NOX1: variants seen among roughly 807,000 people sequenced by gnomAD.
NOX1 encodes NADH/NADPH mitogenic oxidase subunit P65-MOX.
In NOX1, 34 loss-of-function variants were observed where a neutral mutation model predicts 42.5. The observed-to-expected ratio is 0.80, with a 90% CI of 0.61 to 1.07. The LOEUF (loss-of-function observed/expected upper bound fraction) is 1.07, where lower values mean the gene tolerates loss of function less well. NOX1 is among the 50% of genes least tolerant of loss of function. NOX1 has a pLI of 0.00. For missense variants in NOX1, 408 were observed against 427.0 expected, an observed-to-expected ratio of 0.96 and a Z score of 0.39; for synonymous variants, 143 against 152.5, an observed-to-expected ratio of 0.94 and a Z score of 0.46.
chrX:100,853,261 C>CCTTT (rs1177925812), intron 7 of NOX1, among the ~76,000 whole-genome samples: 2,823 of 23,273 alleles, frequency 0.12, 148 homozygotes, highest in Middle Eastern at 0.2. Context: ...TTCCTTCCTT[C>CCTTT]CTTTCTTTCT....
At chrX:100,845,493 G>A (rs2085066209) in intron 12 of NOX1, among the ~76,000 whole-genome samples, 1 of 109,784 alleles carries the variant, frequency 9.1e-6, no homozygotes, top group Admixed American at 9.7e-5. Flanking sequence ...TCACTTCGGG[G>A]CTATTATGAG....
rs775730307 is a variant in NOX1 at position 100,850,191 on chromosome X, G to A, written c.1093C>T (p.Leu365Phe). 1 of 1,209,765 alleles carries A rather than the reference G, an allele frequency of 8.3e-7. No individual in the cohort carries two copies. The highest frequency in any genetic ancestry group is 1.7e-5 in the African/African-American group (1 of 57,305). The change falls in exon 9 of 13, where the codon CTC becomes TTC. Residue 365 changes from leucine (L) to phenylalanine (F), a missense_variant. Physicochemically the swap from Leu to Phe is conservative, Grantham distance 22. Coordinates refer to ENST00000372966, the MANE Select transcript of NOX1 (RefSeq NM_007052.5). ...IRAAGDWTEN[L>F]IRAFEQQYSP... ...TATTGTTGTTCGAAAGCCCTTATGA[G>A]ATTTTCTGTCCAGTCCCCTGCTGCT...
At chrX:100,871,191 T>C (rs1298354085) in intron 1 of NOX1, among the ~76,000 whole-genome samples, 2 of 112,802 alleles carry the variant, frequency 1.8e-5, no homozygotes, top group African/African-American at 6.4e-5. Flanking sequence ...TGACCATAAA[T>C]AAAGTGGTAT....
chrX:100,858,709 C>T (rs769464961), intron 7 of NOX1, among the ~76,000 whole-genome samples: 1 of 110,952 alleles, frequency 9.0e-6, no homozygotes. Context: ...AATGGGATTG[C>T]ATTCTTGATT....
At chrX:100,844,752 C>G (rs2085060992) in intron 12 of NOX1, among the ~76,000 whole-genome samples, 1 of 112,371 alleles carries the variant, frequency 8.9e-6, no homozygotes, top group South Asian at 3.7e-4. Flanking sequence ...TTCTTAACCT[C>G]TCTCTGTTTC....
chrX:100,853,242 TTTCCTTCC>T lies in NOX1; in HGVS notation c.805-1925_805-1918del, dbSNP rs746546716. Among the ~76,000 whole-genome samples the T allele has an allele frequency of 8.4e-3, 485 of 57,605 alleles. 4 individuals carry two copies. The highest frequency in any genetic ancestry group is 1.0e-2 in the Non-Finnish European group (330 of 33,037). 50.0% of individuals were successfully genotyped at this position (57,605 alleles called of 115,157 possible). A position where few individuals can be genotyped will look rare whatever the true frequency, so the allele number is the denominator to read the frequency against. On this transcript the variant is annotated intron_variant, in intron 7 of 12. Transcript: ENST00000372966. ...CTTTCTCTTTCTTTCTTTTTCTTTC[TTTCCTTCC>T]TTCCTTCCTTCCTTTCTTTCTTTCT...
At chrX:100,847,590 C>T (rs964819895) in intron 12 of NOX1, among the ~76,000 whole-genome samples, 10 of 108,332 alleles carry the variant, frequency 9.2e-5, no homozygotes, top group African/African-American at 3.4e-4. Context: ...CGTGGTGAAA[C>T]ACCATCTCTA....
intron 12 of NOX1, among the ~76,000 whole-genome samples, chrX:100,845,612 T>G (rs1233562770): frequency 5.3e-4 from 8 of 14,978 alleles, no homozygotes; most frequent in Admixed American, 3.7e-3. Context: ...AAACTATGTG[T>G]TTTTTTTTTT....
intron 7 of NOX1, among the ~76,000 whole-genome samples, chrX:100,860,772 T>C (rs1208022928): frequency 8.9e-6 from 1 of 111,827 alleles, no homozygotes; most frequent in Non-Finnish European, 1.9e-5. Context: ...TTTATTTGTT[T>C]GTTTATTTTG....
chrX:100,858,063 G>T (rs1274812280), intron 7 of NOX1, among the ~76,000 whole-genome samples: 1 of 111,353 alleles, frequency 9.0e-6, no homozygotes, highest in Non-Finnish European at 1.9e-5. Flanking sequence ...TTTATAGTTT[G>T]GGGTTTTACA....
At chrX:100,853,278 C>CTTTTTCTTTCTTTCCTTCCTTTCTTTCT in intron 7 of NOX1, among the ~76,000 whole-genome samples, 1 of 59,587 alleles carries the variant, frequency 1.7e-5, no homozygotes, top group African/African-American at 7.0e-5. Context: ...TTCTTTCTTT[C>CTTTTTCTTTCTTTCCTTCCTTTCTTTCT]TTTCTTTCTT....
At chrX:100,856,000 C>T in intron 7 of NOX1, 1 of 1,093,760 alleles carries the variant, frequency 9.1e-7, no homozygotes, top group Non-Finnish European at 1.3e-6. Flanking sequence ...TTTTTCCAAA[C>T]TGTTCAAAGT....
rs772223472 is a variant in NOX1 at position 100,854,345 on chromosome X, T to C, written c.805-3020A>G. Reference sequence around the variant, plus strand: ...GGAGAGAGTATTTTTTAAATGTTTATGGAAGAAACAAAGCAATACATTCAG... The same window carrying C: ...GGAGAGAGTATTTTTTAAATGTTTACGGAAGAAACAAAGCAATACATTCAG... On this transcript the variant is annotated intron_variant, in intron 7 of 12. Transcript: ENST00000372966. Among the ~76,000 whole-genome samples, 3 of 111,786 alleles carry C rather than the reference T, an allele frequency of 2.7e-5. No homozygotes were observed. The South Asian group carries it at 1.1e-3, about 43-fold the overall frequency.
At chrX:100,858,949 A>G (rs2085185181) in intron 7 of NOX1, among the ~76,000 whole-genome samples, 1 of 111,202 alleles carries the variant, frequency 9.0e-6, no homozygotes, top group Middle Eastern at 4.2e-3. Flanking sequence ...ATTGCTCTGG[A>G]CAGGACTTCC....
intron 2 of NOX1, among the ~76,000 whole-genome samples, chrX:100,868,241 G>C (rs2085251509): frequency 8.9e-6 from 1 of 111,932 alleles, no homozygotes; most frequent in South Asian, 3.8e-4. Context: ...TGGATTCTTT[G>C]ATTATGGAGA....
chrX:100,848,448 C>G (rs1034346377), intron 12 of NOX1, among the ~76,000 whole-genome samples, 182 bp downstream of exon 12: 2 of 111,284 alleles, frequency 1.8e-5, no homozygotes, highest in East Asian at 2.9e-4. Flanking sequence ...TGTGCCACCA[C>G]GCCTAGCTAA....
Position 100,874,120 on chromosome X carries a change from T to C in NOX1, c.20A>G (p.Asn7Ser). The C allele has an allele frequency of 8.3e-7, 1 of 1,205,967 alleles. No homozygotes were observed. The highest frequency in any genetic ancestry group is 1.1e-6 in the Non-Finnish European group (1 of 890,824). ...CAGAAACAAAACTGAAAACCAGTGG[T>C]TAACCACCCAGTTTCCCATTGTCAA... The part of the protein sequence containing the change: MGNWVV[N>S]HWFSVLFLVV... Residue 7 changes from asparagine to serine, a missense_variant, in exon 1 of 13, where the codon AAC becomes AGC. Coordinates refer to ENST00000372966, the MANE Select transcript of NOX1 (RefSeq NM_007052.5).
intron 7 of NOX1, among the ~76,000 whole-genome samples, chrX:100,856,810 C>A (rs778978321): frequency 5.4e-5 from 6 of 111,426 alleles, no homozygotes; most frequent in Admixed American, 9.5e-5. Flanking sequence ...TGAGCTCAAG[C>A]AATCCTCCTG....
At chrX:100,845,061 G>A (rs942814816) in intron 12 of NOX1, among the ~76,000 whole-genome samples, 2 of 110,690 alleles carry the variant, frequency 1.8e-5, no homozygotes, top group African/African-American at 6.6e-5. Flanking sequence ...TATAATTATG[G>A]TATAGTTTCT....
Sources: gnomAD v4.1 joint callset for allele counts (sites outside exome capture counted in the v4.1 genomes callset) on GRCh38, gnomAD v4.1.1 for gene constraint, MANE v1.5 for transcripts, NCBI Gene and HGNC (gene_info 2026-07-23, HGNC 2026-07-21) for gene names.